The following CDKL2 variants were observed in gnomAD, a reference collection of about 807,000 sequenced individuals.
CDKL2 encodes cyclin dependent kinase like 2.
In CDKL2, 64 loss-of-function variants were observed where a neutral mutation model predicts 63.9. The ratio of observed to expected loss-of-function variants is 1.00; its 90% confidence interval spans 0.82 to 1.23. CDKL2 has a LOEUF of 1.23. Among genes scored for constraint, CDKL2 ranks in the 50% most tolerant of loss-of-function variants. The probability of loss-of-function intolerance (pLI) is 0.00; values close to 1 mark genes in which losing one functional copy is unlikely to be tolerated. For missense variants in CDKL2, 656 were observed against 668.0 expected, an observed-to-expected ratio of 0.98 and a Z score of 0.20; for synonymous variants, 211 against 229.2, an observed-to-expected ratio of 0.92 and a Z score of 0.72.
rs545294748 is a variant in CDKL2, at chr4:75,582,102, T to C, written c.1648-204A>G. Among the ~76,000 whole-genome samples the C allele has an allele frequency of 1.2e-4, 19 of 152,340 alleles. No homozygotes were observed. The South Asian group carries it at 2.7e-3, about 22-fold the overall frequency. ...CCAAACATGACTGCTGAGTGGATGT[T>C]ATTCTTTGATCTTAGTTTATGCATA... On this transcript the variant is annotated intron_variant, in intron 12 of 13. Transcript: ENST00000307465.
chr4:75,592,314 T>C, intron 10 of CDKL2, 45 bp from the exon 11 acceptor site: 1 of 1,458,898 alleles, frequency 6.9e-7, no homozygotes, highest in Non-Finnish European at 9.0e-7. Flanking sequence ...AGTTTCAAGG[T>C]TAGCTAGGCT....
rs1386621886 is a variant in CDKL2 at position 75,630,332 on chromosome 4, T to A, written c.-320A>T. 6.6e-6 allele frequency: 1 copy of A among 152,618 alleles called. No individual in the cohort carries two copies. Among genetic ancestry groups the A allele is most frequent in the Non-Finnish European group, 1.5e-5 (1 of 68,106 alleles). The allele number at this position is 152,618 out of a possible 1,614,324, so 9.5% of individuals were successfully genotyped here. ...TGTCCCCAACCATAGGCACAAAGTCTTGGGAGACAGATACGGCCCAGGTCA... is the reference window on the plus strand; with the variant it reads ...TGTCCCCAACCATAGGCACAAAGTCATGGGAGACAGATACGGCCCAGGTCA... On this transcript the variant is annotated 5_prime_UTR_variant, in exon 1 of 14. In the 5' UTR this introduces an upstream ATG that the reference lacks. Transcript: ENST00000307465.
intron 8 of CDKL2, among the ~76,000 whole-genome samples, chr4:75,597,681 T>A (rs554139257): frequency 6.6e-6 from 1 of 152,358 alleles, no homozygotes; most frequent in South Asian, 2.1e-4. Flanking sequence ...AAACCTAAGT[T>A]AAGTATCCAA....
intron 13 of CDKL2, among the ~76,000 whole-genome samples, chr4:75,580,512 A>C (rs1020108936): frequency 6.8e-6 from 1 of 148,072 alleles, no homozygotes; most frequent in Admixed American, 6.7e-5. Flanking sequence ...CCAAAAATAC[A>C]AAAAATTAGC....
chr4:75,605,442 T>C (rs1729380836), intron 5 of CDKL2, 80 bp downstream of exon 5: 2 of 823,134 alleles, frequency 2.4e-6, no homozygotes, highest in Admixed American at 2.4e-5. Flanking sequence ...ATGCAACAGC[T>C]TAAAAAATCA....
chr4:75,591,064 A>G (rs901917300), intron 12 of CDKL2, among the ~76,000 whole-genome samples: 1 of 152,236 alleles, frequency 6.6e-6, no homozygotes, highest in Non-Finnish European at 1.5e-5. Flanking sequence ...AAATGACTAT[A>G]TGGAATAGCA....
chr4:75,613,514 T>A (rs1003793442), intron 3 of CDKL2, among the ~76,000 whole-genome samples: 2 of 152,218 alleles, frequency 1.3e-5, no homozygotes, highest in Admixed American at 6.5e-5. Context: ...AAAATCTATG[T>A]GTTGAGCTAT....
chr4:75,602,678 T>C (rs1196533370), intron 6 of CDKL2, among the ~76,000 whole-genome samples: 1 of 152,034 alleles, frequency 6.6e-6, no homozygotes, highest in Admixed American at 6.6e-5. Flanking sequence ...TGCACCACCA[T>C]GCCCAGCTAA....
At chr4:75,592,023 A>G in intron 11 of CDKL2, 98 bp from the exon 12 acceptor site, 1 of 1,279,162 alleles carries the variant, frequency 7.8e-7, no homozygotes, top group East Asian at 2.5e-5. Context: ...TGTACTTATT[A>G]TAACAGGTAT....
rs1277062074 is a variant in CDKL2 at position 75,591,883 on chromosome 4, G to A, written c.1583C>T (p.Ser528Leu). 1.3e-6 allele frequency: 2 copies of A among 1,536,010 alleles called. No homozygotes were observed. Among genetic ancestry groups the A allele is most frequent in the Non-Finnish European group, 8.7e-7 (1 of 1,146,854 alleles). Reference sequence around the variant, plus strand: ...AGCCAGAGAAGGAATTCGAGATTCTGAAAGAATTTTGCTCTCTTTCTTTGT... The same window carrying A: ...AGCCAGAGAAGGAATTCGAGATTCTAAAAGAATTTTGCTCTCTTTCTTTGT... ...RLTKKESKIL[S>L]ESRIPSLAAI... Residue 528 changes from serine (S) to leucine (L), a missense_variant, in exon 12 of 14, where the codon TCA becomes TTA. Ser to Leu is a moderately radical substitution (Grantham distance 145). Coordinates refer to ENST00000307465, the MANE Select transcript of CDKL2 (RefSeq NM_001330724.2).
intron 7 of CDKL2, 128 bp from the exon 8 acceptor site, chr4:75,598,340 T>A: frequency 2.0e-6 from 1 of 502,032 alleles, no homozygotes; most frequent in Non-Finnish European, 3.3e-6. Flanking sequence ...ATGAGAAAAA[T>A]CCTGGCCTAG....
At chr4:75,619,372 TG>T (rs1298661098) in intron 2 of CDKL2, among the ~76,000 whole-genome samples, 1 of 151,844 alleles carries the variant, frequency 6.6e-6, no homozygotes, top group East Asian at 1.9e-4. Flanking sequence ...TAGTCCTCAT[TG>T]GAAATGGCCC....
intron 12 of CDKL2, among the ~76,000 whole-genome samples, chr4:75,587,529 A>G (rs1188082931): frequency 3.9e-5 from 6 of 152,290 alleles, no homozygotes; most frequent in East Asian, 3.9e-4. Context: ...TAAAAATTGT[A>G]TGACACGAAC....
At chr4:75,604,394 A>G (rs556799946) in intron 5 of CDKL2, among the ~76,000 whole-genome samples, 20 of 152,346 alleles carry the variant, frequency 1.3e-4, no homozygotes, top group Middle Eastern at 6.8e-3. Flanking sequence ...AGTTGAATGT[A>G]GAATATATCT....
chr4:75,600,322 G>A lies in CDKL2; in HGVS notation c.843C>T (p.Leu281=), dbSNP rs761309425. ...CCATTTGAAAGAAATCATGGTGTAG[G>A]AGCTCAGCACAGAAGGGTCTTTTGT... ...DPDKRPFCAE[L]LHHDFFQMDG... Residue 281 remains leucine, a synonymous_variant, in exon 7 of 14, where the codon CTC becomes CTT. Coordinates refer to ENST00000307465, the MANE Select transcript of CDKL2 (RefSeq NM_001330724.2). 2 of 1,613,702 alleles carry A rather than the reference G, an allele frequency of 1.2e-6. No individual in the cohort carries two copies. The highest frequency in any genetic ancestry group is 2.2e-5 in the South Asian group (2 of 91,058).
At chr4:75,621,437 G>A (rs1454853072) in intron 2 of CDKL2, among the ~76,000 whole-genome samples, 4 of 152,070 alleles carry the variant, frequency 2.6e-5, no homozygotes, top group African/African-American at 4.8e-5. Context: ...TACAAGCAAC[G>A]GAGCCCAGAA....
chr4:75,581,925 G>A lies in CDKL2; in HGVS notation c.1648-27C>T, dbSNP rs150940905. ...TATAAATTAATAATAGAGCATCATA[G>A]GTTCTCAGTAATTGCAAAAGTTCCA... On this transcript the variant is annotated intron_variant, in intron 12 of 13. Transcript: ENST00000307465. The A allele has an allele frequency of 8.3e-4, 1,251 of 1,509,024 alleles. 13 individuals are homozygous for A. The African/African-American group carries it at 0.016, about 19-fold the overall frequency. 93.5% of individuals were successfully genotyped at this position (1,509,024 alleles called of 1,614,324 possible). A position where few individuals can be genotyped will look rare whatever the true frequency, so the allele number is the denominator to read the frequency against.
At chr4:75,627,903 G>A (rs1176639080) in intron 1 of CDKL2, among the ~76,000 whole-genome samples, 2 of 148,462 alleles carry the variant, frequency 1.3e-5, no homozygotes, top group African/African-American at 2.5e-5. Flanking sequence ...GTAGAGACGG[G>A]GTTTCGCCAT....
chr4:75,598,177 T>A lies in CDKL2; in HGVS notation c.920A>T (p.Asp307Val). ...SQELQLKVQK[D>V]ARNVSLSKKS... ...TTTAGATAAAGAAACATTTCTGGCA[T>A]CTTTCTGTACTTTTAACTGTAGTTC... Residue 307 changes from aspartate to valine, a missense_variant, in exon 8 of 14, where the codon GAT (aspartate) becomes GTT (valine). Asp to Val is a radical substitution (Grantham distance 152). Transcript: ENST00000307465. The A allele has an allele frequency of 6.6e-7, 1 of 1,526,010 alleles. No homozygotes were observed. The highest frequency in any genetic ancestry group is 9.0e-7 in the Non-Finnish European group (1 of 1,114,772). 94.5% of individuals were successfully genotyped at this position (1,526,010 alleles called of 1,614,324 possible).
Sources: allele counts gnomAD v4.1 joint callset (sites outside exome capture counted in the v4.1 genomes callset), GRCh38; gene constraint gnomAD v4.1.1; transcripts MANE v1.5; gene names NCBI Gene and HGNC (gene_info 2026-07-23, HGNC 2026-07-21).